The following ATG10 variants were observed in gnomAD, a reference collection of about 807,000 sequenced individuals.
ATG10 encodes the protein autophagy related 10.
ATG10 carries 30 observed loss-of-function variants against 32.1 expected under a neutral mutation model. The observed-to-expected ratio is 0.94, with a 90% CI of 0.70 to 1.27. The LOEUF (loss-of-function observed/expected upper bound fraction) is 1.27. Ranked by LOEUF, ATG10 falls within the 50% of genes most tolerant of loss-of-function variation. The pLI is 0.00. For missense variants in ATG10, 233 were observed against 262.3 expected, an observed-to-expected ratio of 0.89 and a Z score of 0.77; for synonymous variants, 87 against 91.5, an observed-to-expected ratio of 0.95 and a Z score of 0.28.
chr5:82,104,532 A>G (rs1765385213), intron 3 of ATG10, among the ~76,000 whole-genome samples: 1 of 152,122 alleles, frequency 6.6e-6, no homozygotes, highest in African/African-American at 2.4e-5. Flanking sequence ...TATTCAAACA[A>G]CTGATTTAAC....
At chr5:82,035,334 C>T (rs985598625) in intron 2 of ATG10, among the ~76,000 whole-genome samples, 1 of 152,244 alleles carries the variant, frequency 6.6e-6, no homozygotes, top group Non-Finnish European at 1.5e-5. Context: ...AAGGCAAGAA[C>T]TTGTCTGTTT....
chr5:82,249,637 C>G (rs114627897), intron 5 of ATG10, among the ~76,000 whole-genome samples: 1 of 152,086 alleles, frequency 6.6e-6, no homozygotes, highest in African/African-American at 2.4e-5. Flanking sequence ...GAAACAGAGA[C>G]GTAAAATGGT....
chr5:82,031,316 G>A (rs975798317), intron 2 of ATG10, among the ~76,000 whole-genome samples: 5 of 151,572 alleles, frequency 3.3e-5, no homozygotes, highest in South Asian at 2.1e-4. Flanking sequence ...ATTATATTGG[G>A]AGCAAATTTA....
intron 5 of ATG10, among the ~76,000 whole-genome samples, chr5:82,244,776 A>G (rs1208620926): frequency 6.6e-6 from 1 of 152,218 alleles, no homozygotes; most frequent in Non-Finnish European, 1.5e-5. Flanking sequence ...TAATAGTTCT[A>G]AAACCAATTC....
chr5:81,978,291 A>G (rs560287899), intron 1 of ATG10, among the ~76,000 whole-genome samples: 2 of 152,232 alleles, frequency 1.3e-5, no homozygotes, highest in South Asian at 2.1e-4. Flanking sequence ...GCTGGTCTCA[A>G]ACTCCTGACC....
intron 2 of ATG10, 22 bp from the exon 3 acceptor site, chr5:82,058,472 TA>T (rs1561277572): frequency 1.3e-6 from 2 of 1,512,798 alleles, no homozygotes; most frequent in Non-Finnish European, 9.1e-7. Context: ...TTTTCTTATA[TA>T]TTTTTTGGTG....
At chr5:82,220,069 A>G (rs552199792) in intron 5 of ATG10, among the ~76,000 whole-genome samples, 2 of 152,310 alleles carry the variant, frequency 1.3e-5, no homozygotes, top group Non-Finnish European at 2.9e-5. Flanking sequence ...AGAATAAGCA[A>G]AGGCCTCATA....
chr5:82,164,972 C>T (rs1743517655), intron 4 of ATG10, among the ~76,000 whole-genome samples: 1 of 152,250 alleles, frequency 6.6e-6, no homozygotes, highest in Non-Finnish European at 1.5e-5. Context: ...TATCAATTAG[C>T]TTAAGCTGTA....
In ATG10 at chr5:82,050,550, A is replaced by G. The variant is rs547374261; in HGVS notation, c.109-7945A>G. Among the ~76,000 whole-genome samples the G allele has an allele frequency of 9.9e-5, 15 of 152,204 alleles. No homozygotes were observed. The East Asian group carries it at 2.7e-3, about 27-fold the overall frequency. On this transcript the variant is annotated intron_variant, in intron 2 of 7. Coordinates refer to ENST00000282185, the MANE Select transcript of ATG10 (RefSeq NM_031482.5). Reference sequence around the variant, plus strand: ...TTCGAAATTTGAACCTAATAAAAGTATATAATGAGTCTGTTTAAATAAACA... The same window carrying G: ...TTCGAAATTTGAACCTAATAAAAGTGTATAATGAGTCTGTTTAAATAAACA...
At chr5:82,093,702 T>A (rs1324143002) in intron 3 of ATG10, among the ~76,000 whole-genome samples, 1 of 152,186 alleles carries the variant, frequency 6.6e-6, no homozygotes, top group African/African-American at 2.4e-5. Context: ...CATGGTGTAT[T>A]TTTTCTTGTT....
chr5:82,219,955 G>A lies in ATG10; in HGVS notation c.454-32607G>A, dbSNP rs193202891. On this transcript the variant is annotated intron_variant, in intron 5 of 7. Coordinates refer to ENST00000282185, the MANE Select transcript of ATG10 (RefSeq NM_031482.5). ...TTGCCCTCAAAGAACTTATATTCTG[G>A]TGGGGAGATGGCTGTGCAAACAAGC... 9.2e-4 allele frequency among the ~76,000 whole-genome samples: 140 copies of A among 152,330 alleles called. 1 individual carries two copies. Among genetic ancestry groups the A allele is most frequent in the Non-Finnish European group, 1.8e-3 (122 of 68,038 alleles).
At chr5:82,157,614 C>T (rs564093781) in intron 3 of ATG10, among the ~76,000 whole-genome samples, 12 of 152,308 alleles carry the variant, frequency 7.9e-5, no homozygotes, top group African/African-American at 2.4e-4. Flanking sequence ...TCACTTTAAA[C>T]TTTTTAATAT....
intron 2 of ATG10, among the ~76,000 whole-genome samples, chr5:81,997,217 A>G (rs1761692019): frequency 1.3e-5 from 2 of 152,168 alleles, no homozygotes; most frequent in Non-Finnish European, 2.9e-5. Flanking sequence ...CCGCCCAACG[A>G]AGGACTTTGG....
At chr5:82,043,260 A>T (rs1226204215) in intron 2 of ATG10, among the ~76,000 whole-genome samples, 2 of 152,180 alleles carry the variant, frequency 1.3e-5, no homozygotes, top group African/African-American at 2.4e-5. Context: ...TAGCTGTACC[A>T]TGGCCCCTTT....
chr5:82,021,386 C>A (rs1001741234), intron 2 of ATG10, among the ~76,000 whole-genome samples: 1 of 152,124 alleles, frequency 6.6e-6, no homozygotes, highest in Non-Finnish European at 1.5e-5. Flanking sequence ...CCAAAATCTG[C>A]AGATACTAAA....
chr5:82,001,131 A>C (rs1761835908), intron 2 of ATG10, among the ~76,000 whole-genome samples: 1 of 152,194 alleles, frequency 6.6e-6, no homozygotes, highest in Admixed American at 6.5e-5. Flanking sequence ...ATAAATCAGA[A>C]ATTACACAAA....
intron 5 of ATG10, among the ~76,000 whole-genome samples, chr5:82,185,350 G>A (rs1475004966): frequency 2.0e-5 from 3 of 152,200 alleles, no homozygotes; most frequent in African/African-American, 7.2e-5. Flanking sequence ...AAGTACAAGT[G>A]AATGAATGGG....
intron 2 of ATG10, among the ~76,000 whole-genome samples, chr5:81,996,273 T>A (rs1347455866): frequency 6.6e-6 from 1 of 152,218 alleles, no homozygotes; most frequent in Non-Finnish European, 1.5e-5. Flanking sequence ...GGTCAGTGCT[T>A]AGGTGCTGGA....
chr5:81,986,935 C>G (rs114072295), intron 1 of ATG10, among the ~76,000 whole-genome samples: 1 of 151,850 alleles, frequency 6.6e-6, no homozygotes, highest in Admixed American at 6.6e-5. Context: ...CCCCGCTCCT[C>G]GAGAGGCTGA....
Sources: gnomAD v4.1 joint callset for allele counts (sites outside exome capture counted in the v4.1 genomes callset) on GRCh38, gnomAD v4.1.1 for gene constraint, MANE v1.5 for transcripts, NCBI Gene and HGNC (gene_info 2026-07-23, HGNC 2026-07-21) for gene names.